The following LTAP1 variants were observed in gnomAD, a reference collection of about 807,000 sequenced individuals.
LTAP1 encodes the protein lipid transport auxiliary protein 1, also known as HCV NS5A-transactivated protein 4.
chr1:154,220,196 A>C, the LTAP1 span: 9 of 1,046,956 alleles, frequency 8.6e-6, no homozygotes, highest in Non-Finnish European at 1.3e-5. Flanking sequence ...AAGTGACTTA[A>C]ACTCCCACCT....
the LTAP1 span, among the ~76,000 whole-genome samples, chr1:154,217,029 A>C: frequency 6.7e-6 from 1 of 149,618 alleles, no homozygotes; most frequent in Non-Finnish European, 1.5e-5. Flanking sequence ...TGCTCACTGC[A>C]ACCTCCGCCG....
At chr1:154,212,295 C>CT in the LTAP1 span, 4 of 1,613,768 alleles carry the variant, frequency 2.5e-6, no homozygotes, top group South Asian at 4.4e-5. Context: ...CCAGCTCCCT[C>CT]TGACACGTTC....
At chr1:154,220,528 G>A in the LTAP1 span, 1 of 1,099,374 alleles carries the variant, frequency 9.1e-7, no homozygotes, top group East Asian at 2.4e-5. Flanking sequence ...TTCCTTACGG[G>A]GGAAGACCAA....
At chr1:154,218,671 G>A in the LTAP1 span, among the ~76,000 whole-genome samples, 1 of 152,170 alleles carries the variant, frequency 6.6e-6, no homozygotes, top group Non-Finnish European at 1.5e-5. Context: ...GTAGGCCCTG[G>A]CACTAACCTG....
chr1:154,211,668 A>C, the LTAP1 span: 8 of 151,482 alleles, frequency 5.3e-5, no homozygotes, highest in Non-Finnish European at 7.3e-5. Context: ...TATTGGGCCA[A>C]GACACAAAAG....
the LTAP1 span, among the ~76,000 whole-genome samples, chr1:154,216,301 ATACTT>A: frequency 6.6e-6 from 1 of 151,102 alleles, no homozygotes; most frequent in Non-Finnish European, 1.5e-5. Flanking sequence ...AAATGGAAAA[ATACTT>A]TAAGAATCCC....
chr1:154,207,470 A>G, the LTAP1 span: 6 of 1,613,926 alleles, frequency 3.7e-6, no homozygotes, highest in East Asian at 6.7e-5. Flanking sequence ...GTACTCTCCA[A>G]TGTGTTATAG....
chr1:154,214,688 T>C, the LTAP1 span: 2 of 653,250 alleles, frequency 3.1e-6, no homozygotes. Context: ...GAGACCATGC[T>C]CATGTAGTTA....
chr1:154,207,420 G>T, the LTAP1 span: 1 of 1,608,038 alleles, frequency 6.2e-7, no homozygotes, highest in Non-Finnish European at 8.5e-7. Flanking sequence ...GCAACTGACT[G>T]GCTTAATCTA....
the LTAP1 span, among the ~76,000 whole-genome samples, chr1:154,210,436 T>C: frequency 6.6e-6 from 1 of 152,140 alleles, no homozygotes; most frequent in Non-Finnish European, 1.5e-5. Context: ...AGAGCAATAT[T>C]CAACATAGCA....
the LTAP1 span, chr1:154,206,740 T>C: frequency 6.2e-6 from 1 of 161,406 alleles, no homozygotes; most frequent in Non-Finnish European, 1.3e-5. Context: ...TAATAGTTCA[T>C]TTTATTAAAT....
the LTAP1 span, among the ~76,000 whole-genome samples, chr1:154,214,746 G>C: frequency 6.6e-6 from 1 of 152,078 alleles, no homozygotes; most frequent in Non-Finnish European, 1.5e-5. Flanking sequence ...AACGGGATTG[G>C]GTTTTCCAAT....
At chr1:154,219,273 T>C in the LTAP1 span, among the ~76,000 whole-genome samples, 1 of 152,166 alleles carries the variant, frequency 6.6e-6, no homozygotes, top group Admixed American at 6.5e-5. Flanking sequence ...AGATAAAATT[T>C]CATCTGTAGC....
the LTAP1 span, chr1:154,211,639 G>A: frequency 6.7e-6 from 1 of 149,238 alleles, no homozygotes; most frequent in South Asian, 2.1e-4. Context: ...CCGGCCCAAT[G>A]TTATTTAATT....
chr1:154,207,123 TG>T, the LTAP1 span: 1 of 239,944 alleles, frequency 4.2e-6, no homozygotes, highest in African/African-American at 2.3e-5. Flanking sequence ...TAAATAAACC[TG>T]GAACAGGGAA....
At chr1:154,214,403 A>T in the LTAP1 span, 55 of 1,176,586 alleles carry the variant, frequency 4.7e-5, no homozygotes, top group Non-Finnish European at 6.7e-5. Flanking sequence ...AGAGAAAAGG[A>T]ATTCTGGACT....
At chr1:154,210,509 G>A in the LTAP1 span, among the ~76,000 whole-genome samples, 2 of 151,954 alleles carry the variant, frequency 1.3e-5, no homozygotes, top group Non-Finnish European at 1.5e-5. Flanking sequence ...ATGGAGTCTC[G>A]CTCTGTCGCC....
the LTAP1 span, chr1:154,220,296 C>T: frequency 2.5e-6 from 4 of 1,608,518 alleles, no homozygotes; most frequent in Non-Finnish European, 3.4e-6. Flanking sequence ...AGGGTCTCTA[C>T]TGGGTAAGAT....
chr1:154,212,150 C>T, the LTAP1 span: 2 of 750,368 alleles, frequency 2.7e-6, no homozygotes, highest in East Asian at 2.6e-5. Flanking sequence ...AACCACTGTG[C>T]CCGGCCGCAT....
Sources: allele counts gnomAD v4.1 joint callset (sites outside exome capture counted in the v4.1 genomes callset), GRCh38; gene constraint gnomAD v4.1.1; transcripts MANE v1.5; gene names NCBI Gene and HGNC (gene_info 2026-07-23, HGNC 2026-07-21).